MERTK: variants seen among roughly 807,000 people sequenced by gnomAD.
The protein encoded by MERTK is MER proto-oncogene, tyrosine kinase.
A neutral mutation model predicts 99.3 loss-of-function variants in MERTK; 69 were observed. The observed-to-expected ratio is 0.70, with a 90% CI of 0.57 to 0.85. MERTK has a LOEUF of 0.85. MERTK is among the 40% of genes least tolerant of loss of function. The probability of loss-of-function intolerance (pLI) is 0.00; values close to 1 mark genes in which losing one functional copy is unlikely to be tolerated. For missense variants in MERTK, 1,125 were observed against 1,249.4 expected, an observed-to-expected ratio of 0.90 and a Z score of 1.50; for synonymous variants, 426 against 467.6, an observed-to-expected ratio of 0.91 and a Z score of 1.15.
At chr2:111,995,734 G>A (rs1676722015) in intron 9 of MERTK, among the ~76,000 whole-genome samples, 1 of 152,158 alleles carries the variant, frequency 6.6e-6, no homozygotes, top group Non-Finnish European at 1.5e-5. Flanking sequence ...CAGATCACTT[G>A]AACTCAGGAG....
intron 1 of MERTK, among the ~76,000 whole-genome samples, chr2:111,926,544 T>TGGTGAAACCCCGTCTCTACTA (rs552279901): frequency 0.021 from 3,179 of 152,240 alleles, 57 homozygotes; most frequent in Middle Eastern, 0.068. Context: ...CTGGCTAACA[T>TGGTGAAACCCCGTCTCTACTA]GGTGAAACCC....
At chr2:111,974,016 A>G (rs1044878436) in intron 6 of MERTK, among the ~76,000 whole-genome samples, 1 of 150,662 alleles carries the variant, frequency 6.6e-6, no homozygotes, top group East Asian at 1.9e-4. Context: ...AAAAAAGCCA[A>G]GAATCTACAT....
rs1418298132 is a variant in MERTK, at chr2:111,994,543, CA to C, written c.1450+143del. The C allele has an allele frequency of 7.2e-6, 9 of 1,253,196 alleles. No individual in the cohort carries two copies. In the Admixed American group the frequency reaches 1.3e-4, roughly 19 times the overall value. 77.6% of individuals were successfully genotyped at this position (1,253,196 alleles called of 1,614,324 possible). On this transcript the variant is annotated intron_variant, in intron 9 of 18. Transcript: ENST00000295408. ...GGGCTTATCTCAACACTTCAGGAGG[CA>C]AAAGCAGGAGGAGTTTGAGAACAAC...
chr2:112,014,514 T>A (rs1386857743), intron 15 of MERTK, among the ~76,000 whole-genome samples: 1 of 149,802 alleles, frequency 6.7e-6, no homozygotes, highest in Non-Finnish European at 1.5e-5. Context: ...GGAAATTTCA[T>A]GTTATTGTAC....
intron 2 of MERTK, among the ~76,000 whole-genome samples, chr2:111,939,013 A>G (rs775477384): frequency 2.6e-5 from 4 of 152,196 alleles, no homozygotes; most frequent in Non-Finnish European, 4.4e-5. Context: ...GAATCATGTA[A>G]TATGCTATAA....
At chr2:111,968,351 C>A in intron 6 of MERTK, 99 bp downstream of exon 6, 1 of 920,150 alleles carries the variant, frequency 1.1e-6, no homozygotes, top group Non-Finnish European at 1.8e-6. Context: ...GGCATTTCTC[C>A]ATCTCTGTAC....
Position 111,969,693 on chromosome 2 carries a change from T to C in MERTK, c.960+1441T>C, listed in dbSNP as rs13013943. On this transcript the variant is annotated intron_variant, in intron 6 of 18. Coordinates refer to ENST00000295408, the MANE Select transcript of MERTK (RefSeq NM_006343.3). Reference sequence around the variant, plus strand: ...CACCCACCACCTCCAGCCTTTCTTTTTTTTTTTTTTTTTTTTGAGACAGAG... The same window carrying C: ...CACCCACCACCTCCAGCCTTTCTTTCTTTTTTTTTTTTTTTTGAGACAGAG... 6.9e-3 allele frequency among the ~76,000 whole-genome samples: 674 copies of C among 97,420 alleles called. 5 individuals are homozygous for C. The highest frequency in any genetic ancestry group is 0.034 in the Middle Eastern group (6 of 176). 63.9% of individuals were successfully genotyped at this position (97,420 alleles called of 152,430 possible). A position where few individuals can be genotyped will look rare whatever the true frequency, so the allele number is the denominator to read the frequency against.
chr2:111,941,686 G>A (rs1300652702), intron 2 of MERTK, among the ~76,000 whole-genome samples: 1 of 150,980 alleles, frequency 6.6e-6, no homozygotes, highest in Non-Finnish European at 1.5e-5. Flanking sequence ...TCCCTTGGAT[G>A]TCTAGAAAGC....
intron 16 of MERTK, among the ~76,000 whole-genome samples, chr2:112,020,179 C>T (rs889919710): frequency 3.9e-5 from 6 of 152,218 alleles, no homozygotes; most frequent in Admixed American, 3.9e-4. Context: ...CCCCCTCCCG[C>T]CTCCCAGCCG....
chr2:111,910,356 G>T, intron 1 of MERTK, among the ~76,000 whole-genome samples: 1 of 150,930 alleles, frequency 6.6e-6, no homozygotes, highest in Non-Finnish European at 1.5e-5. Context: ...TGCAACTTCT[G>T]CCTCCTGGGT....
chr2:111,942,609 G>A (rs1289535253), intron 2 of MERTK, among the ~76,000 whole-genome samples: 1 of 152,148 alleles, frequency 6.6e-6, no homozygotes, highest in East Asian at 1.9e-4. Flanking sequence ...CTGCCCCAAA[G>A]CATGAAAGGA....
intron 2 of MERTK, among the ~76,000 whole-genome samples, chr2:111,939,226 AGG>A (rs991896133): frequency 1.3e-5 from 2 of 152,058 alleles, no homozygotes; most frequent in Non-Finnish European, 2.9e-5. Flanking sequence ...TCACACGGCG[AGG>A]GGGCTGAGCG....
chr2:112,017,767 T>G (rs1677248219), intron 15 of MERTK, among the ~76,000 whole-genome samples: 1 of 151,958 alleles, frequency 6.6e-6, no homozygotes. Flanking sequence ...TACCTATGTT[T>G]TAAGAAAAGC....
chr2:111,952,943 T>C (rs1056352283), intron 4 of MERTK, among the ~76,000 whole-genome samples: 4 of 152,164 alleles, frequency 2.6e-5, no homozygotes, highest in Non-Finnish European at 5.9e-5. Flanking sequence ...CTCTCATCTG[T>C]CAGAATATCT....
At chr2:111,950,264 T>C (rs901204231) in intron 4 of MERTK, among the ~76,000 whole-genome samples, 2 of 152,222 alleles carry the variant, frequency 1.3e-5, no homozygotes, top group African/African-American at 4.8e-5. Flanking sequence ...GCTGATATAG[T>C]ACTCTGTTGT....
At chr2:111,948,595 T>G (rs1357653536) in intron 4 of MERTK, among the ~76,000 whole-genome samples, 1 of 152,234 alleles carries the variant, frequency 6.6e-6, no homozygotes, top group Non-Finnish European at 1.5e-5. Context: ...TCTTAGTGAA[T>G]GATATCACCA....
rs766586677 is a variant in MERTK, at chr2:112,021,495, C to T, written c.2263C>T (p.Arg755Cys). ...SKKIYSGDYY[R>C]QGRIAKMPVK... ...GAAGATTTACAGTGGCGATTATTAC[C>T]GCCAAGGCCGCATTGCTAAGATGCC... The change falls in exon 17 of 19, where the codon CGC (arginine) becomes TGC (cysteine). Residue 755 changes from arginine to cysteine, a missense_variant. Transcript: ENST00000295408. The T allele has an allele frequency of 1.1e-5, 17 of 1,613,738 alleles. No individual in the cohort carries two copies. Among genetic ancestry groups the T allele is most frequent in the Middle Eastern group, 1.6e-4 (1 of 6,072 alleles).
At chr2:112,005,339 T>C (rs1004898605) in intron 13 of MERTK, among the ~76,000 whole-genome samples, 1 of 152,218 alleles carries the variant, frequency 6.6e-6, no homozygotes, top group Non-Finnish European at 1.5e-5. Flanking sequence ...CCCAAAGTTC[T>C]GGGATTACAG....
At chr2:111,988,954 C>A (rs1190828815) in intron 8 of MERTK, among the ~76,000 whole-genome samples, 1 of 152,046 alleles carries the variant, frequency 6.6e-6, no homozygotes, top group Non-Finnish European at 1.5e-5. Context: ...ATTTCAAAAA[C>A]CACTGTGAGA....
Sources: allele counts gnomAD v4.1 joint callset (sites outside exome capture counted in the v4.1 genomes callset), GRCh38; gene constraint gnomAD v4.1.1; transcripts MANE v1.5; gene names NCBI Gene and HGNC (gene_info 2026-07-23, HGNC 2026-07-21).